The following FCHSD2 variants were observed in gnomAD, a reference collection of about 807,000 sequenced individuals.
The protein encoded by FCHSD2 is F-BAR and double SH3 domains protein 2.
Under a neutral mutation model 108.1 loss-of-function variants are expected in FCHSD2, and 38 were observed. That is an observed-to-expected ratio of 0.35 (90% CI 0.27 to 0.46). FCHSD2 has a LOEUF of 0.46. FCHSD2 is among the 20% of genes least tolerant of loss of function. FCHSD2 has a pLI of 1.00. For synonymous variants in FCHSD2, 279 were observed against 314.7 expected, an observed-to-expected ratio of 0.89 and a Z score of 1.20; for missense variants, 751 against 897.8, an observed-to-expected ratio of 0.84 and a Z score of 2.09.
intron 2 of FCHSD2, among the ~76,000 whole-genome samples, chr11:73,084,869 G>A (rs1859778208): frequency 6.6e-6 from 1 of 151,368 alleles, no homozygotes; most frequent in East Asian, 1.9e-4. Context: ...AATATCCTGA[G>A]TTTAAAGACT....
In FCHSD2 at chr11:72,839,216, G is replaced by T. The variant is rs538195524; in HGVS notation, c.2140-342C>A. Among the ~76,000 whole-genome samples, 209 of 152,286 alleles carry T rather than the reference G, an allele frequency of 1.4e-3. 1 individual carries two copies. The highest frequency in any genetic ancestry group is 4.8e-3 in the African/African-American group (201 of 41,560). On this transcript the variant is annotated intron_variant, in intron 19 of 19. Transcript: ENST00000409418. Reference sequence around the variant, plus strand: ...AAATGAAACATTTCAGTGTGTCTTGGGTAGAGAGTTACAAAAGAGAAGGCT... The same window carrying T: ...AAATGAAACATTTCAGTGTGTCTTGTGTAGAGAGTTACAAAAGAGAAGGCT...
intron 5 of FCHSD2, among the ~76,000 whole-genome samples, chr11:72,998,659 G>A (rs1857565095): frequency 6.6e-6 from 1 of 152,140 alleles, no homozygotes; most frequent in South Asian, 2.1e-4. Context: ...AAAGAATATA[G>A]GATTTAAAAA....
rs79483878 is a variant in FCHSD2 at position 73,072,619 on chromosome 11, C to T, written c.165+11076G>A. On this transcript the variant is annotated intron_variant, in intron 3 of 19. Transcript: ENST00000409418. ...AAAACAGGACACAGAAAATAATACT[C>T]AATTTTGCCCTGGTGGACGTCCTAT... Among the ~76,000 whole-genome samples the T allele has an allele frequency of 6.8e-3, 1,033 of 152,214 alleles. 5 individuals carry two copies. Among genetic ancestry groups the T allele is most frequent in the South Asian group, 0.014 (66 of 4,816 alleles).
At chr11:72,963,753 T>G (rs1856857053) in intron 8 of FCHSD2, among the ~76,000 whole-genome samples, 1 of 152,204 alleles carries the variant, frequency 6.6e-6, no homozygotes, top group African/African-American at 2.4e-5. Flanking sequence ...ACACCTATGA[T>G]AATCTAATTC....
rs572669768 is a variant in FCHSD2, at chr11:73,021,525, T to C, written c.166-5640A>G. Among the ~76,000 whole-genome samples, 74 of 151,976 alleles carry C rather than the reference T, an allele frequency of 4.9e-4. No homozygotes were observed. In the Middle Eastern group the frequency reaches 0.027, roughly 56 times the overall value. On this transcript the variant is annotated intron_variant, in intron 3 of 19. Coordinates refer to ENST00000409418, the MANE Select transcript of FCHSD2 (RefSeq NM_014824.3). ...TAAATGATGAGAACACATGAACACA[T>C]AGAGGAGAACAACAGACACTGGGGC...
chr11:72,944,996 A>G (rs558841621), intron 8 of FCHSD2, among the ~76,000 whole-genome samples: 12 of 152,342 alleles, frequency 7.9e-5, no homozygotes, highest in Admixed American at 1.3e-4. Flanking sequence ...TATAGATTCA[A>G]TGCCATCCTC....
chr11:72,853,973 C>G (rs1026862347), intron 13 of FCHSD2, among the ~76,000 whole-genome samples: 9 of 152,204 alleles, frequency 5.9e-5, no homozygotes, highest in African/African-American at 2.2e-4. Flanking sequence ...AAAATATGCT[C>G]AACATCACTA....
intron 13 of FCHSD2, among the ~76,000 whole-genome samples, chr11:72,867,029 A>G (rs985535258): frequency 9.8e-5 from 15 of 152,382 alleles, no homozygotes; most frequent in Middle Eastern, 6.8e-3. Context: ...TGCAGAGCAG[A>G]GAACCAGGAA....
intron 2 of FCHSD2, among the ~76,000 whole-genome samples, chr11:73,110,016 C>T (rs964502586): frequency 1.3e-5 from 2 of 152,146 alleles, no homozygotes; most frequent in South Asian, 2.1e-4. Context: ...TTGAACCATC[C>T]TTGCATCCCT....
intron 10 of FCHSD2, among the ~76,000 whole-genome samples, chr11:72,901,912 T>C (rs1358802940): frequency 6.6e-6 from 1 of 152,136 alleles, no homozygotes; most frequent in East Asian, 1.9e-4. Flanking sequence ...TCTCACTCTG[T>C]CATCCAGGCT....
chr11:72,880,868 G>GA (rs147665190), intron 12 of FCHSD2, among the ~76,000 whole-genome samples: 37,062 of 134,014 alleles, frequency 0.28, 5,315 homozygotes, highest in Middle Eastern at 0.39. Context: ...ACCCTGTCTC[G>GA]AAAAAAAAAA....
intron 13 of FCHSD2, among the ~76,000 whole-genome samples, chr11:72,859,724 A>G (rs1861520629): frequency 6.6e-6 from 1 of 152,192 alleles, no homozygotes; most frequent in Non-Finnish European, 1.5e-5. Context: ...ACTTTGGCTG[A>G]GTATTGGTCA....
intron 5 of FCHSD2, 25 bp from the exon 6 acceptor site, chr11:72,989,122 T>C (rs1161677524): frequency 5.7e-6 from 9 of 1,581,380 alleles, no homozygotes; most frequent in Non-Finnish European, 6.9e-6. Context: ...AGTACAATCA[T>C]TATGATTTTA....
intron 2 of FCHSD2, among the ~76,000 whole-genome samples, chr11:73,114,366 G>T (rs978633457): frequency 1.3e-5 from 2 of 151,968 alleles, no homozygotes; most frequent in Non-Finnish European, 2.9e-5. Flanking sequence ...GTCCAGAAAC[G>T]CTGTCCAAGG....
Position 72,984,095 on chromosome 11 carries a change from A to G in FCHSD2, c.698T>C (p.Ile233Thr). ...ATATGAAAGCTGTATTACCTTCATA[A>G]TGTTAACTAAATCTGTTTGATAGTA... ...DRYYQTDLVNIMKALDGNVYD... is the reference protein window; with the variant it reads ...DRYYQTDLVNTMKALDGNVYD... The change falls in exon 8 of 20, where the codon ATT becomes ACT. Residue 233 changes from isoleucine to threonine, a missense_variant. Transcript: ENST00000409418. 1 of 1,612,056 alleles carries G rather than the reference A, an allele frequency of 6.2e-7. No individual in the cohort carries two copies.
intron 3 of FCHSD2, among the ~76,000 whole-genome samples, chr11:73,053,783 G>A (rs1334492688): frequency 2.6e-5 from 4 of 152,170 alleles, no homozygotes. Flanking sequence ...TATGACTATA[G>A]CAGCGATTCT....
At chr11:73,053,647 G>A (rs1445796420) in intron 3 of FCHSD2, among the ~76,000 whole-genome samples, 1 of 152,082 alleles carries the variant, frequency 6.6e-6, no homozygotes, top group Non-Finnish European at 1.5e-5. Context: ...GCAAATCTAT[G>A]TCATATTAAA....
chr11:73,125,604 C>T (rs1437422633), intron 2 of FCHSD2, among the ~76,000 whole-genome samples: 1 of 151,974 alleles, frequency 6.6e-6, no homozygotes, highest in Non-Finnish European at 1.5e-5. Context: ...ACTCAGGAGG[C>T]TGAGGCAAGA....
intron 8 of FCHSD2, among the ~76,000 whole-genome samples, chr11:72,971,349 T>C (rs1410320113): frequency 6.6e-6 from 1 of 152,136 alleles, no homozygotes; most frequent in Non-Finnish European, 1.5e-5. Flanking sequence ...CCAGTGACCC[T>C]TGCCCTTGTA....
Sources: allele counts gnomAD v4.1 joint callset (sites outside exome capture counted in the v4.1 genomes callset), GRCh38; gene constraint gnomAD v4.1.1; transcripts MANE v1.5; gene names NCBI Gene and HGNC (gene_info 2026-07-23, HGNC 2026-07-21).